DIP2B: variants seen among roughly 807,000 people sequenced by gnomAD.
DIP2B encodes DIP2 acetate--CoA ligase B (putative), also known as disco-interacting protein 2 homolog B.
Under a neutral mutation model 198.0 loss-of-function variants are expected in DIP2B, and 76 were observed. That is an observed-to-expected ratio of 0.38 (90% CI 0.32 to 0.46). The LOEUF (loss-of-function observed/expected upper bound fraction) is 0.46. Ranked by LOEUF, DIP2B falls within the 20% of genes least tolerant of loss-of-function variation. The pLI is 0.99. For missense variants in DIP2B, 1,559 were observed against 1,978.4 expected (o/e 0.79, Z 4.02); for synonymous variants, 701 against 739.1 (o/e 0.95, Z 0.84).
intron 3 of DIP2B, among the ~76,000 whole-genome samples, chr12:50,658,491 T>C (rs1396848430): frequency 6.6e-6 from 1 of 152,204 alleles, no homozygotes; most frequent in African/African-American, 2.4e-5. Flanking sequence ...AAATTCCTTA[T>C]TTTTAGGAAA....
rs1957953684 is a variant in DIP2B at position 50,505,042 on chromosome 12, G to A, written c.-99G>A. ...GGCGGCGGTGCTGGTGGTGCTCGGC[G>A]GCCGGAGCCGGATCCTGTAGCCGGG... On this transcript the variant is annotated 5_prime_UTR_variant, in exon 1 of 38. Coordinates refer to ENST00000301180, the MANE Select transcript of DIP2B (RefSeq NM_173602.3). 7.9e-7 allele frequency: 1 copy of A among 1,272,368 alleles called. No individual in the cohort carries two copies. Among genetic ancestry groups the A allele is most frequent in the East Asian group, 2.7e-5 (1 of 37,122 alleles). The allele number at this position is 1,272,368 out of a possible 1,614,324, so 78.8% of individuals were successfully genotyped here.
chr12:50,594,539 T>C (rs879394149), intron 1 of DIP2B, among the ~76,000 whole-genome samples: 1 of 152,208 alleles, frequency 6.6e-6, no homozygotes, highest in Non-Finnish European at 1.5e-5. Context: ...TTTTCTTTAA[T>C]TTTGTAAAGT....
chr12:50,614,355 T>C (rs536563166), intron 1 of DIP2B, among the ~76,000 whole-genome samples: 1 of 152,328 alleles, frequency 6.6e-6, no homozygotes, highest in East Asian at 1.9e-4. Context: ...TCTTTAAATG[T>C]TAGTTTACCC....
At chr12:50,625,893 C>T in intron 1 of DIP2B, 83 bp from the exon 2 acceptor site, 2 of 1,439,702 alleles carry the variant, frequency 1.4e-6, no homozygotes, top group Non-Finnish European at 1.9e-6. Context: ...AGTTCTATAA[C>T]TCTGTAATTA....
At chr12:50,647,334 A>G (rs1211640738) in intron 3 of DIP2B, among the ~76,000 whole-genome samples, 1 of 152,218 alleles carries the variant, frequency 6.6e-6, no homozygotes, top group Non-Finnish European at 1.5e-5. Context: ...GAAGGCATAC[A>G]GTGTCAAGAA....
At chr12:50,655,029 T>C (rs1938530881) in intron 3 of DIP2B, 2 of 453,538 alleles carry the variant, frequency 4.4e-6, no homozygotes, top group Non-Finnish European at 8.9e-6. Flanking sequence ...CTTGTCAGAA[T>C]TTACTCTGAA....
At chr12:50,744,424 T>C (rs1237993615) in intron 37 of DIP2B, among the ~76,000 whole-genome samples, 163 bp from the exon 38 acceptor site, 1 of 152,140 alleles carries the variant, frequency 6.6e-6, no homozygotes. Context: ...CTCAGTCTTA[T>C]CAGGTAAAAT....
chr12:50,640,472 G>A (rs113113288), intron 2 of DIP2B, among the ~76,000 whole-genome samples: 311 of 152,230 alleles, frequency 2.0e-3, no homozygotes, highest in African/African-American at 7.1e-3. Flanking sequence ...CTCTGGAATG[G>A]CCTTTTAATT....
intron 1 of DIP2B, among the ~76,000 whole-genome samples, chr12:50,591,825 G>C (rs117597872): frequency 6.7e-6 from 1 of 149,968 alleles, no homozygotes; most frequent in Non-Finnish European, 1.5e-5. Flanking sequence ...GCTATTTTAC[G>C]TATCAGGGGA....
At chr12:50,588,232 A>G (rs1316991998) in intron 1 of DIP2B, among the ~76,000 whole-genome samples, 1 of 151,602 alleles carries the variant, frequency 6.6e-6, no homozygotes, top group Non-Finnish European at 1.5e-5. Flanking sequence ...GCTCACTGCA[A>G]CCTCCGCCTC....
In DIP2B at chr12:50,622,822, G is replaced by A. The variant is rs978776403; in HGVS notation, c.101-3154G>A. 2.0e-5 allele frequency among the ~76,000 whole-genome samples: 3 copies of A among 152,062 alleles called. No individual in the cohort carries two copies. In the East Asian group the frequency reaches 5.8e-4, roughly 29 times the overall value. On this transcript the variant is annotated intron_variant, in intron 1 of 37. Coordinates refer to ENST00000301180, the MANE Select transcript of DIP2B (RefSeq NM_173602.3). Reference sequence around the variant, plus strand: ...AGACAGGGTTTCACCATGCTGGCCAGGCTGGTCTCGAACTCCTGACCTTAG... The same window carrying A: ...AGACAGGGTTTCACCATGCTGGCCAAGCTGGTCTCGAACTCCTGACCTTAG...
intron 35 of DIP2B, among the ~76,000 whole-genome samples, chr12:50,738,938 T>C (rs953159632): frequency 2.6e-5 from 4 of 152,270 alleles, no homozygotes; most frequent in Non-Finnish European, 5.9e-5. Flanking sequence ...GCTATCGCTC[T>C]GTTTATATTA....
chr12:50,702,734 T>TGAAA (rs1215757648), intron 19 of DIP2B, among the ~76,000 whole-genome samples: 2 of 40,622 alleles, frequency 4.9e-5, no homozygotes, highest in Non-Finnish European at 7.5e-5. Flanking sequence ...CCTCATCTCT[T>TGAAA]AAAAAAAAAA....
intron 1 of DIP2B, among the ~76,000 whole-genome samples, 164 bp downstream of exon 1, chr12:50,505,404 T>G (rs1957958178): frequency 6.6e-6 from 1 of 152,128 alleles, no homozygotes; most frequent in African/African-American, 2.4e-5. Flanking sequence ...TCCCACCCCA[T>G]TAAGTGGTTT....
intron 2 of DIP2B, among the ~76,000 whole-genome samples, chr12:50,631,690 C>T (rs1325995259): frequency 6.6e-6 from 1 of 152,156 alleles, no homozygotes; most frequent in Non-Finnish European, 1.5e-5. Flanking sequence ...GCCTCAGCCT[C>T]CCAAAGTCCT....
intron 1 of DIP2B, among the ~76,000 whole-genome samples, chr12:50,611,364 A>G (rs1959030308): frequency 6.6e-6 from 1 of 152,112 alleles, no homozygotes; most frequent in Non-Finnish European, 1.5e-5. Flanking sequence ...TAGCTGCGAG[A>G]TCATTTTTAT....
intron 1 of DIP2B, among the ~76,000 whole-genome samples, chr12:50,532,619 C>T (rs745976469): frequency 6.6e-6 from 1 of 152,166 alleles, no homozygotes; most frequent in Non-Finnish European, 1.5e-5. Flanking sequence ...AGCTGTGCTT[C>T]TGTGGAAAGT....
At chr12:50,535,397 C>G (rs1958254892) in intron 1 of DIP2B, among the ~76,000 whole-genome samples, 1 of 145,606 alleles carries the variant, frequency 6.9e-6, no homozygotes, top group Non-Finnish European at 1.5e-5. Context: ...GAAACAGAGT[C>G]TCGCTGTCAC....
At chr12:50,723,974 A>G (rs567214282) in intron 27 of DIP2B, among the ~76,000 whole-genome samples, 1 of 152,308 alleles carries the variant, frequency 6.6e-6, no homozygotes, top group South Asian at 2.1e-4. Context: ...GTTAAAGAAA[A>G]TAAGATAAGT....
Sources: gnomAD v4.1 joint callset for allele counts (sites outside exome capture counted in the v4.1 genomes callset) on GRCh38, gnomAD v4.1.1 for gene constraint, MANE v1.5 for transcripts, NCBI Gene and HGNC (gene_info 2026-07-23, HGNC 2026-07-21) for gene names.